Variants in QRFPR observed in about 807,000 individuals in gnomAD.
QRFPR encodes the protein pyroglutamylated RF-amide peptide receptor.
A neutral mutation model predicts 31.3 loss-of-function variants in QRFPR; 37 were observed. That is an observed-to-expected ratio of 1.18 (90% CI 0.91 to 1.56). QRFPR has a LOEUF of 1.56. QRFPR is among the 40% of genes most tolerant of loss of function. The pLI, the probability that QRFPR is intolerant of heterozygous loss-of-function variation, is 0.00. For synonymous variants in QRFPR, 197 were observed against 192.0 expected, an observed-to-expected ratio of 1.03 and a Z score of -0.22; for missense variants, 542 against 532.5, an observed-to-expected ratio of 1.02 and a Z score of -0.18.
rs1252413737 is a variant in QRFPR, at chr4:121,331,628, TATTATTA to T, written c.798-1112_798-1106del. On this transcript the variant is annotated intron_variant, in intron 4 of 5. Coordinates refer to ENST00000394427, the MANE Select transcript of QRFPR (RefSeq NM_198179.3). ...AAACTCATACTCATTATCTCATTAT[TATTATTA>T]TTATTATTATTATTATTATTATTGT... Among the ~76,000 whole-genome samples the T allele has an allele frequency of 2.1e-4, 13 of 61,612 alleles. No individual in the cohort carries two copies. In the East Asian group the frequency reaches 0.011, roughly 51 times the overall value. The allele number at this position is 61,612 out of a possible 152,430, so 40.4% of individuals were successfully genotyped here.
intron 1 of QRFPR, among the ~76,000 whole-genome samples, chr4:121,346,330 C>A (rs540297436): frequency 1.3e-5 from 2 of 152,304 alleles, no homozygotes; most frequent in South Asian, 4.1e-4. Context: ...TCCTTCTCTT[C>A]CCAGCACTTC....
intron 1 of QRFPR, among the ~76,000 whole-genome samples, chr4:121,376,471 A>C (rs1424029877): frequency 1.3e-5 from 2 of 152,102 alleles, no homozygotes; most frequent in Non-Finnish European, 2.9e-5. Context: ...TGGTCCCAGC[A>C]GTGTACAAAA....
chr4:121,356,295 C>T (rs1487236589), intron 1 of QRFPR, among the ~76,000 whole-genome samples: 1 of 152,182 alleles, frequency 6.6e-6, no homozygotes, highest in Non-Finnish European at 1.5e-5. Context: ...TTAAATTTCT[C>T]TGATACAATT....
At chr4:121,352,661 T>C (rs953657124) in intron 1 of QRFPR, among the ~76,000 whole-genome samples, 3 of 152,072 alleles carry the variant, frequency 2.0e-5, no homozygotes, top group Non-Finnish European at 4.4e-5. Flanking sequence ...CAATATGTAA[T>C]GATCAAATCA....
At position 121,380,185 on chromosome 4, in the gene QRFPR, A is replaced by AGGAGAGAGAGAGAGAGAG. The variant is rs1553948890; in HGVS notation, c.340+105_340+122dup. ...CGAGAGAGAGACAGACAGACGAGAGAGGAGAGAGAGAGAGAGAGAGAGAGA... is the reference window on the plus strand; with the variant it reads ...CGAGAGAGAGACAGACAGACGAGAGAGGAGAGAGAGAGAGAGAGGGAGAGAGAGAGAGAGAGAGAGAGA... On this transcript the variant is annotated intron_variant, in intron 1 of 5. Coordinates refer to ENST00000394427, the MANE Select transcript of QRFPR (RefSeq NM_198179.3). The AGGAGAGAGAGAGAGAGAG allele has an allele frequency of 2.5e-3, 898 of 365,668 alleles. 9 individuals carry two copies. Among genetic ancestry groups the AGGAGAGAGAGAGAGAGAG allele is most frequent in the Non-Finnish European group, 3.1e-3 (647 of 210,874 alleles). 22.7% of individuals were successfully genotyped at this position (365,668 alleles called of 1,614,324 possible).
At chr4:121,380,000 C>T (rs779005568) in intron 1 of QRFPR, among the ~76,000 whole-genome samples, 5 of 151,882 alleles carry the variant, frequency 3.3e-5, no homozygotes, top group Non-Finnish European at 7.4e-5. Context: ...GGGACCTTTC[C>T]GAAGCTTTTC....
At chr4:121,356,237 G>A (rs767306835) in intron 1 of QRFPR, among the ~76,000 whole-genome samples, 2 of 151,832 alleles carry the variant, frequency 1.3e-5, no homozygotes, top group African/African-American at 2.4e-5. Context: ...TATGTATCTG[G>A]GTGTTCCAAT....
intron 1 of QRFPR, among the ~76,000 whole-genome samples, chr4:121,352,805 A>G (rs1725789223): frequency 6.6e-6 from 1 of 152,024 alleles, no homozygotes. Flanking sequence ...TGTGCTACCA[A>G]ATACTACATT....
In QRFPR at chr4:121,329,691, C is replaced by T; in HGVS notation, c.919G>A (p.Asp307Asn). 1 of 1,539,690 alleles carries T rather than the reference C, an allele frequency of 6.5e-7. No homozygotes were observed. The highest frequency in any genetic ancestry group is 8.7e-7 in the Non-Finnish European group (1 of 1,143,554). ...GCAAAAATCATCTTGATTGTGACATCATCATATTCCTTTTCAAAATTACCT... is the reference window on the plus strand; with the variant it reads ...GCAAAAATCATCTTGATTGTGACATTATCATATTCCTTTTCAAAATTACCT... ...EYSNFEKEYD[D>N]VTIKMIFAIV... Residue 307 changes from aspartate (D) to asparagine (N), a missense_variant, in exon 6 of 6, where the codon GAT becomes AAT. Physicochemically the swap from Asp to Asn is conservative, Grantham distance 23. Transcript: ENST00000394427.
intron 4 of QRFPR, among the ~76,000 whole-genome samples, chr4:121,331,042 A>C (rs939944866): frequency 1.3e-5 from 2 of 151,868 alleles, no homozygotes; most frequent in African/African-American, 4.8e-5. Flanking sequence ...AGGGCAGGAG[A>C]ATTTAGTGAG....
intron 1 of QRFPR, 49 bp downstream of exon 1, chr4:121,380,259 G>A: frequency 2.3e-6 from 3 of 1,296,838 alleles, no homozygotes; most frequent in Non-Finnish European, 3.2e-6. Flanking sequence ...TCCCCTGAAA[G>A]GCAGAGGGTT....
chr4:121,365,543 T>A lies in QRFPR; in HGVS notation c.340+14765A>T, dbSNP rs1353240833. Among the ~76,000 whole-genome samples the A allele has an allele frequency of 2.6e-3, 9 of 3,448 alleles. 1 individual carries two copies. The East Asian group carries it at 0.036, about 14-fold the overall frequency. 2.3% of individuals were successfully genotyped at this position (3,448 alleles called of 152,430 possible). On this transcript the variant is annotated intron_variant, in intron 1 of 5. Transcript: ENST00000394427. ...TATATATATTATATATAATATATAT[T>A]ATATATAATATATAATATATATTAT... is the stretch of plus-strand genomic sequence containing the variant.
At chr4:121,352,938 G>A (rs961346294) in intron 1 of QRFPR, among the ~76,000 whole-genome samples, 25 of 150,064 alleles carry the variant, frequency 1.7e-4, no homozygotes, top group African/African-American at 3.4e-4. Context: ...TTTTTCTTTC[G>A]TTCCCACATA....
In QRFPR at chr4:121,332,819, A is replaced by G. The variant is rs1255961757; in HGVS notation, c.797+2T>C. On this transcript the variant is annotated splice_donor_variant, in intron 4 of 5. Coordinates refer to ENST00000394427, the MANE Select transcript of QRFPR (RefSeq NM_198179.3). LOFTEE classifies it high-confidence loss of function. ...AAGAGGTGAATATTTCATTAAACAG[A>G]CCTGGCTATTTTGGACATTTCTTTT... 2 of 1,602,158 alleles carry G rather than the reference A, an allele frequency of 1.2e-6. No homozygotes were observed. Among genetic ancestry groups the G allele is most frequent in the Non-Finnish European group, 1.7e-6 (2 of 1,169,154 alleles).
At chr4:121,364,188 A>G (rs1726042313) in intron 1 of QRFPR, among the ~76,000 whole-genome samples, 1 of 149,824 alleles carries the variant, frequency 6.7e-6, no homozygotes, top group African/African-American at 2.5e-5. Context: ...CCTACAGTCC[A>G]GGGTGGCCTG....
intron 1 of QRFPR, among the ~76,000 whole-genome samples, chr4:121,359,623 T>TCA (rs1470213722): frequency 7.5e-6 from 1 of 133,674 alleles, no homozygotes; most frequent in Non-Finnish European, 1.7e-5. Flanking sequence ...CTTAGTAAAC[T>TCA]CATATATATA....
Position 121,380,478 on chromosome 4 carries a change from G to T in QRFPR, c.170C>A (p.Ala57Asp). Residue 57 changes from alanine (A) to aspartate (D), a missense_variant, in exon 1 of 6, where the codon GCC (alanine) becomes GAC (aspartate). Physicochemically the swap from Ala to Asp is moderately radical, Grantham distance 126. Coordinates refer to ENST00000394427, the MANE Select transcript of QRFPR (RefSeq NM_198179.3). ...CAGAGCATTGCCAAAGAGCGCCAGG[G>T]CGAAGATGAGCACGCCGGTGAGCAC... ...ALVLTGVLIF[A>D]LALFGNALVF... The T allele has an allele frequency of 1.2e-6, 2 of 1,614,262 alleles. No homozygotes were observed. The highest frequency in any genetic ancestry group is 1.1e-5 in the South Asian group (1 of 91,086).
At chr4:121,336,553 T>G (rs1410380597) in intron 3 of QRFPR, among the ~76,000 whole-genome samples, 5 of 152,244 alleles carry the variant, frequency 3.3e-5, no homozygotes, top group African/African-American at 4.8e-5. Context: ...CAGGAAAATG[T>G]AGAAACTGAC....
intron 3 of QRFPR, among the ~76,000 whole-genome samples, chr4:121,334,892 G>A (rs957816756): frequency 5.3e-5 from 8 of 152,152 alleles, no homozygotes; most frequent in African/African-American, 1.7e-4. Flanking sequence ...TGGAATTTTC[G>A]AGAAGCGTAC....
Sources: gnomAD v4.1 joint callset for allele counts (sites outside exome capture counted in the v4.1 genomes callset) on GRCh38, gnomAD v4.1.1 for gene constraint, MANE v1.5 for transcripts, NCBI Gene and HGNC (gene_info 2026-07-23, HGNC 2026-07-21) for gene names.